SNCAIP: variants seen among roughly 807,000 people sequenced by gnomAD.
SNCAIP encodes synuclein alpha interacting protein, also known as synphilin-1.
A neutral mutation model predicts 86.7 loss-of-function variants in SNCAIP; 43 were observed. The observed-to-expected ratio is 0.50, with a 90% confidence interval of 0.39 to 0.64. The LOEUF (loss-of-function observed/expected upper bound fraction) is 0.64. SNCAIP is among the 30% of genes least tolerant of loss of function. The pLI is 0.00. For synonymous variants in SNCAIP, 417 were observed against 427.2 expected, an observed-to-expected ratio of 0.98 and a Z score of 0.29; for missense variants, 981 against 1,103.1, an observed-to-expected ratio of 0.89 and a Z score of 1.57.
At chr5:122,450,443 C>T (rs1189396421) in intron 9 of SNCAIP, 90 bp from the exon 10 acceptor site, 14 of 881,150 alleles carry the variant, frequency 1.6e-5, no homozygotes, top group Admixed American at 1.7e-5. Flanking sequence ...TTTACTTATA[C>T]ATTATTAGTG....
chr5:122,459,691 T>C (rs1267953927), intron 10 of SNCAIP, among the ~76,000 whole-genome samples: 1 of 152,208 alleles, frequency 6.6e-6, no homozygotes, highest in Admixed American at 6.5e-5. Context: ...CCTCTTATAT[T>C]AAAGCAGAAA....
rs148912393 is a variant in SNCAIP, at chr5:122,422,995, A to G, written c.258A>G (p.Pro86=). Residue 86 remains proline (P), a synonymous_variant, in exon 4 of 11, where the codon CCA becomes CCG. Transcript: ENST00000261368. ...VKRVSPLKHQ[P]ETLENNESDD... Reference sequence around the variant, plus strand: ...GGGTTTCGCCACTGAAACATCAGCCAGAGACTCTGGAGAACAATGAAAGTG... The same window carrying G: ...GGGTTTCGCCACTGAAACATCAGCCGGAGACTCTGGAGAACAATGAAAGTG... 1.6e-4 allele frequency: 253 copies of G among 1,614,084 alleles called. No individual in the cohort carries two copies. The highest frequency in any genetic ancestry group is 3.4e-5 in the Non-Finnish European group (40 of 1,180,028).
At chr5:122,442,069 A>G (rs2152974790) in intron 7 of SNCAIP, among the ~76,000 whole-genome samples, 3 of 149,480 alleles carry the variant, frequency 2.0e-5, no homozygotes, top group East Asian at 4.0e-4. Context: ...ATGTTATGGT[A>G]TATAACATGT....
intron 1 of SNCAIP, among the ~76,000 whole-genome samples, chr5:122,377,000 G>A (rs1437101324): frequency 6.6e-6 from 1 of 152,118 alleles, no homozygotes; most frequent in Non-Finnish European, 1.5e-5. Flanking sequence ...AGGTGGGTGT[G>A]ATTTCACAAA....
At chr5:122,333,760 C>T (rs934104874) in intron 1 of SNCAIP, among the ~76,000 whole-genome samples, 19 of 152,182 alleles carry the variant, frequency 1.2e-4, no homozygotes, top group African/African-American at 4.6e-4. Context: ...AAAGAATCAG[C>T]ACCAGGCTGT....
In SNCAIP at chr5:122,450,967, G is replaced by A; in HGVS notation, c.2120G>A (p.Ser707Asn). The change falls in exon 10 of 11, where the codon AGC becomes AAC. Residue 707 changes from serine (S) to asparagine (N), a missense_variant. Transcript: ENST00000261368. Reference sequence around the variant, plus strand: ...CCAAGGCCGCAGCCCATTGTAGAAAGCGTAGAGAGTATGGACAGCGCAGAA... The same window carrying A: ...CCAAGGCCGCAGCCCATTGTAGAAAACGTAGAGAGTATGGACAGCGCAGAA... Reference protein sequence around the residue: ...DRPRPQPIVESVESMDSAESL... With the variant: ...DRPRPQPIVENVESMDSAESL... The A allele has an allele frequency of 6.2e-7, 1 of 1,614,140 alleles. No individual in the cohort carries two copies. The highest frequency in any genetic ancestry group is 8.5e-7 in the Non-Finnish European group (1 of 1,180,022).
chr5:122,453,227 C>T (rs1211594080), intron 10 of SNCAIP, among the ~76,000 whole-genome samples: 1 of 152,164 alleles, frequency 6.6e-6, no homozygotes, highest in Non-Finnish European at 1.5e-5. Context: ...GAAGAATCTG[C>T]TCAGTTCACA....
At position 122,423,750 on chromosome 5, in the gene SNCAIP, T is replaced by G. The variant is rs1328936787; in HGVS notation, c.1002+11T>G. On this transcript the variant is annotated intron_variant, in intron 4 of 10. Coordinates refer to ENST00000261368, the MANE Select transcript of SNCAIP (RefSeq NM_005460.4). Reference sequence around the variant, plus strand: ...CAGATCTCTCTCCTGGTAAGTATAATCTAGTTCAGTATACATGTCAATAGA... The same window carrying G: ...CAGATCTCTCTCCTGGTAAGTATAAGCTAGTTCAGTATACATGTCAATAGA... The G allele has an allele frequency of 6.3e-7, 1 of 1,597,402 alleles. No individual in the cohort carries two copies. Among genetic ancestry groups the G allele is most frequent in the Admixed American group, 1.7e-5 (1 of 59,970 alleles).
At position 122,379,019 on chromosome 5, in the gene SNCAIP, C is replaced by T. The variant is rs1186436581; in HGVS notation, c.-46-12070C>T. Among the ~76,000 whole-genome samples the T allele has an allele frequency of 2.1e-3, 219 of 105,268 alleles. 7 individuals carry two copies. The highest frequency in any genetic ancestry group is 5.7e-3 in the African/African-American group (154 of 26,884). The allele number at this position is 105,268 out of a possible 152,430, so 69.1% of individuals were successfully genotyped here. A position where few individuals can be genotyped will look rare whatever the true frequency, so the allele number is the denominator to read the frequency against. ...TTGGCTTAGGATTGACTTGGCGATG[C>T]GGGCTCTTTTTTGGTTCCATATGAA... On this transcript the variant is annotated intron_variant, in intron 1 of 10. Coordinates refer to ENST00000261368, the MANE Select transcript of SNCAIP (RefSeq NM_005460.4).
In SNCAIP at chr5:122,459,604, G is replaced by A. The variant is rs543945880; in HGVS notation, c.2755-3887G>A. Among the ~76,000 whole-genome samples, 5 of 152,194 alleles carry A rather than the reference G, an allele frequency of 3.3e-5. No individual in the cohort carries two copies. The South Asian group carries it at 1.0e-3, about 32-fold the overall frequency. On this transcript the variant is annotated intron_variant, in intron 10 of 10. Coordinates refer to ENST00000261368, the MANE Select transcript of SNCAIP (RefSeq NM_005460.4). ...AATGCCTCAAGTTAATATTTTACTT[G>A]GTACAGACTTAGCTCTAATCATAAG...
chr5:122,388,023 G>A (rs1161007605), intron 1 of SNCAIP, among the ~76,000 whole-genome samples: 1 of 152,142 alleles, frequency 6.6e-6, no homozygotes, highest in Non-Finnish European at 1.5e-5. Flanking sequence ...TCCTTTGAAG[G>A]GTCGAACACT....
chr5:122,334,050 A>G (rs1217204191), intron 1 of SNCAIP, among the ~76,000 whole-genome samples: 1 of 152,226 alleles, frequency 6.6e-6, no homozygotes, highest in African/African-American at 2.4e-5. Context: ...ATCATGAGTC[A>G]AACAACAACA....
chr5:122,403,978 C>T (rs549235229), intron 3 of SNCAIP, 113 bp downstream of exon 3: 51 of 790,328 alleles, frequency 6.5e-5, no homozygotes, highest in South Asian at 3.9e-4. Flanking sequence ...TTTCTCTTTA[C>T]GGCTTCTCCA....
At chr5:122,376,744 T>C (rs1765403096) in intron 1 of SNCAIP, among the ~76,000 whole-genome samples, 1 of 152,088 alleles carries the variant, frequency 6.6e-6, no homozygotes, top group African/African-American at 2.4e-5. Flanking sequence ...AAGTTCCTGG[T>C]GGGATTATGA....
intron 3 of SNCAIP, among the ~76,000 whole-genome samples, chr5:122,417,138 G>C (rs2152912692): frequency 6.6e-6 from 1 of 152,230 alleles, no homozygotes; most frequent in South Asian, 2.1e-4. Flanking sequence ...ATTGACGTTT[G>C]GTCCTGAAAA....
chr5:122,402,437 G>C (rs1284804885), intron 2 of SNCAIP, among the ~76,000 whole-genome samples: 1 of 152,150 alleles, frequency 6.6e-6, no homozygotes, highest in African/African-American at 2.4e-5. Flanking sequence ...TAGTCTCAGA[G>C]GCATGGCCAA....
intron 1 of SNCAIP, among the ~76,000 whole-genome samples, chr5:122,390,429 GT>G (rs1299994896): frequency 6.6e-6 from 1 of 152,178 alleles, no homozygotes; most frequent in Non-Finnish European, 1.5e-5. Flanking sequence ...GACTGAAGAC[GT>G]TCCGGGGCCT....
chr5:122,363,059 C>A (rs1241504713), intron 1 of SNCAIP, among the ~76,000 whole-genome samples: 1 of 143,108 alleles, frequency 7.0e-6, no homozygotes, highest in Non-Finnish European at 1.5e-5. Context: ...TGCAATGGTA[C>A]AATCTCAACT....
intron 3 of SNCAIP, among the ~76,000 whole-genome samples, chr5:122,406,005 A>G (rs572094718): frequency 1.4e-4 from 21 of 152,314 alleles, no homozygotes; most frequent in African/African-American, 4.8e-4. Context: ...GGAAAGACTC[A>G]GGACTCTTAA....
Sources: allele counts gnomAD v4.1 joint callset (sites outside exome capture counted in the v4.1 genomes callset), GRCh38; gene constraint gnomAD v4.1.1; transcripts MANE v1.5; gene names NCBI Gene and HGNC (gene_info 2026-07-23, HGNC 2026-07-21).